Variants in KIT observed in about 807,000 individuals in gnomAD.
KIT encodes mast/stem cell growth factor receptor Kit.
A neutral mutation model predicts 105.7 loss-of-function variants in KIT; 16 were observed. That is an observed-to-expected ratio of 0.15 (90% confidence interval 0.10 to 0.23). KIT has a LOEUF of 0.23. Among genes scored for constraint, KIT ranks in the 10% least tolerant of loss-of-function variants. KIT has a pLI of 1.00. For missense variants in KIT, 858 were observed against 1,213.8 expected, an observed-to-expected ratio of 0.71 and a Z score of 4.36; for synonymous variants, 438 against 441.1, an observed-to-expected ratio of 0.99 and a Z score of 0.09.
At chr4:54,733,997 TC>T (rs929193507) in intron 17 of KIT, among the ~76,000 whole-genome samples, 1 of 152,118 alleles carries the variant, frequency 6.6e-6, no homozygotes, top group Non-Finnish European at 1.5e-5. Context: ...TGTAATGTTT[TC>T]CCCCCATCAC....
At chr4:54,698,193 C>T in intron 2 of KIT, 91 bp from the exon 3 acceptor site, 1 of 1,341,898 alleles carries the variant, frequency 7.5e-7, no homozygotes, top group African/African-American at 1.4e-5. Context: ...GGCCACTAGT[C>T]ATGAAAGGCA....
In KIT at chr4:54,738,712, T is replaced by G; in HGVS notation, c.*155T>G. 1 of 931,712 alleles carries G rather than the reference T, an allele frequency of 1.1e-6. No homozygotes were observed. The highest frequency in any genetic ancestry group is 1.3e-5 in the South Asian group (1 of 74,912). 57.7% of individuals were successfully genotyped at this position (931,712 alleles called of 1,614,324 possible). ...CTGAGCACACTTTAGTGGCCGATGA[T>G]TTTTGTCATCAGCCACCATCCTATT... On this transcript the variant is annotated 3_prime_UTR_variant, in exon 21 of 21. Transcript: ENST00000288135.
intron 8 of KIT, 45 bp downstream of exon 8, chr4:54,723,743 G>C (rs1212977415): frequency 5.1e-5 from 53 of 1,041,734 alleles, no homozygotes; most frequent in Non-Finnish European, 7.1e-5. Flanking sequence ...AGAGGGGAAG[G>C]ACTGCAATTC....
rs765239839 is a variant in KIT at position 54,727,917 on chromosome 4, G to A, written c.1869G>A (p.Lys623=). The stretch of plus-strand genomic sequence containing the variant: ...ATGCGGCCATGACTGTCGCTGTAAA[G>A]ATGCTCAAGCGTAAGTTCCTGTATG... ...KSDAAMTVAV[K]MLKPSAHLTE... is the part of the protein sequence containing the mutation. Residue 623 remains lysine, a synonymous_variant, in exon 12 of 21, where the codon AAG becomes AAA. Coordinates refer to ENST00000288135, the MANE Select transcript of KIT (RefSeq NM_000222.3). 1.9e-6 allele frequency: 3 copies of A among 1,613,938 alleles called. No individual in the cohort carries two copies. The Admixed American group carries it at 5.0e-5, about 27-fold the overall frequency.
At chr4:54,684,943 C>T (rs975477139) in intron 1 of KIT, among the ~76,000 whole-genome samples, 1 of 152,206 alleles carries the variant, frequency 6.6e-6, no homozygotes. Context: ...GTTCCCCATC[C>T]TTCTCTGCTC....
chr4:54,717,196 A>C (rs1281197149), intron 7 of KIT, among the ~76,000 whole-genome samples: 2 of 152,224 alleles, frequency 1.3e-5, no homozygotes, highest in Non-Finnish European at 2.9e-5. Context: ...TGGAAAAAAA[A>C]AGATATAATG....
At chr4:54,709,128 G>T (rs1440805580) in intron 6 of KIT, among the ~76,000 whole-genome samples, 1 of 152,044 alleles carries the variant, frequency 6.6e-6, no homozygotes, top group Non-Finnish European at 1.5e-5. Flanking sequence ...AGGGTGGTGG[G>T]GGGAGGGCGG....
In KIT at chr4:54,695,619, A is replaced by G. The variant is rs747004948; in HGVS notation, c.175A>G (p.Thr59Ala). 1.2e-6 allele frequency: 2 copies of G among 1,614,246 alleles called. No individual in the cohort carries two copies. Among genetic ancestry groups the G allele is most frequent in the South Asian group, 2.2e-5 (2 of 91,090 alleles). Reference sequence around the variant, plus strand: ...GGGCGACGAGATTAGGCTGTTATGCACTGATCCGGGCTTTGTCAAATGGAC... The same window carrying G: ...GGGCGACGAGATTAGGCTGTTATGCGCTGATCCGGGCTTTGTCAAATGGAC... ...RVGDEIRLLC[T>A]DPGFVKWTFE... The change falls in exon 2 of 21, where the codon ACT (threonine) becomes GCT (alanine). Residue 59 changes from threonine to alanine, a missense_variant. Physicochemically the swap from Thr to Ala is moderately conservative, Grantham distance 58. This residue lies in a region of KIT where 401 missense variants were observed against 601.0 expected (regional missense o/e 0.67). Transcript: ENST00000288135.
At chr4:54,659,032 C>T (rs1473864087) in intron 1 of KIT, among the ~76,000 whole-genome samples, 1 of 152,098 alleles carries the variant, frequency 6.6e-6, no homozygotes, top group Non-Finnish European at 1.5e-5. Flanking sequence ...CTGGCGGGTT[C>T]TGAAAGCCCC....
intron 7 of KIT, among the ~76,000 whole-genome samples, chr4:54,722,067 C>T (rs1721910400): frequency 6.6e-6 from 1 of 152,110 alleles, no homozygotes; most frequent in African/African-American, 2.4e-5. Context: ...CTCACTGCAA[C>T]CTCTGCCTCC....
In KIT at chr4:54,738,904, A is replaced by G. The variant is rs1051369531; in HGVS notation, c.*347A>G. 3 of 593,474 alleles carry G rather than the reference A, an allele frequency of 5.1e-6. No individual in the cohort carries two copies. The highest frequency in any genetic ancestry group is 6.0e-6 in the Non-Finnish European group (2 of 334,584). 36.8% of individuals were successfully genotyped at this position (593,474 alleles called of 1,614,324 possible). ...TATGGTTGATAGTTTACCTGAATAA[A>G]TGGTAGTAATCACAGTTGGCCTTCA... is the stretch of plus-strand genomic sequence containing the variant. On this transcript the variant is annotated 3_prime_UTR_variant, in exon 21 of 21. Coordinates refer to ENST00000288135, the MANE Select transcript of KIT (RefSeq NM_000222.3).
chr4:54,729,483 C>T lies in KIT; in HGVS notation c.2139C>T (p.Ser713=), dbSNP rs2109787193. The T allele has an allele frequency of 1.2e-6, 2 of 1,612,926 alleles. No individual in the cohort carries two copies. Among genetic ancestry groups the T allele is most frequent in the Non-Finnish European group, 1.7e-6 (2 of 1,179,524 alleles). ...ATCTTCTGCATTCAAAGGAGTCTTC[C>T]TGGTAAGACTGATTTACATAAATAG... ...YKNLLHSKES[S]CSDSTNEYMD... The change falls in exon 14 of 21, where the codon TCC becomes TCT. Residue 713 remains serine (S), a splice_region_variant and synonymous_variant. Coordinates refer to ENST00000288135, the MANE Select transcript of KIT (RefSeq NM_000222.3).
chr4:54,719,579 T>TTA (rs397728097), intron 7 of KIT, among the ~76,000 whole-genome samples: 2 of 151,960 alleles, frequency 1.3e-5, no homozygotes, highest in East Asian at 3.9e-4. Flanking sequence ...TATTTTTTTT[T>TTA]ATCTCCACAG....
chr4:54,709,487 A>T lies in KIT; in HGVS notation c.1179A>T (p.Leu393=), dbSNP rs1721001972. The T allele has an allele frequency of 5.0e-6, 8 of 1,613,808 alleles. No homozygotes were observed. Among genetic ancestry groups the T allele is most frequent in the Non-Finnish European group, 6.8e-6 (8 of 1,179,688 alleles). The change falls in exon 7 of 21, where the codon CTA becomes CTT. Residue 393 remains leucine, a synonymous_variant. Coordinates refer to ENST00000288135, the MANE Select transcript of KIT (RefSeq NM_000222.3). ...KGTEGGTYTF[L]VSNSDVNAAI... is the part of the protein sequence containing the mutation. The stretch of plus-strand genomic sequence containing the variant: ...CCGAAGGAGGCACTTACACATTCCT[A>T]GTGTCCAATTCTGACGTCAATGCTG...
At chr4:54,679,817 C>A (rs561941402) in intron 1 of KIT, among the ~76,000 whole-genome samples, 15 of 152,266 alleles carry the variant, frequency 9.9e-5, no homozygotes, top group African/African-American at 3.1e-4. Context: ...ACACAGTGGA[C>A]TATTATTCAG....
At chr4:54,737,992 G>A (rs1483536173) in intron 20 of KIT, among the ~76,000 whole-genome samples, 1 of 152,130 alleles carries the variant, frequency 6.6e-6, no homozygotes, top group Admixed American at 6.5e-5. Context: ...TCTTCTGGGT[G>A]TCAAAACATG....
At chr4:54,717,574 C>T (rs1266076414) in intron 7 of KIT, among the ~76,000 whole-genome samples, 2 of 152,152 alleles carry the variant, frequency 1.3e-5, no homozygotes, top group African/African-American at 4.8e-5. Flanking sequence ...TCGCTAAAAG[C>T]AGTGAGTGGT....
rs1718767471 is a variant in KIT at position 54,679,753 on chromosome 4, G to A, written c.68-15759G>A. Among the ~76,000 whole-genome samples the A allele has an allele frequency of 2.6e-5, 4 of 152,110 alleles. No individual in the cohort carries two copies. In the South Asian group the frequency reaches 6.2e-4, roughly 24 times the overall value. On this transcript the variant is annotated intron_variant, in intron 1 of 20. Transcript: ENST00000288135. Reference sequence around the variant, plus strand: ...AGACAGGTTTTAAAAATGCCTTAGGGAAATAATATTAATAAAATGTCAAGA... The same window carrying A: ...AGACAGGTTTTAAAAATGCCTTAGGAAAATAATATTAATAAAATGTCAAGA...
At position 54,695,520 on chromosome 4, in the gene KIT, C is replaced by T. The variant is rs759129060; in HGVS notation, c.76C>T (p.Gln26Ter). 1 of 1,614,038 alleles carries T rather than the reference C, an allele frequency of 6.2e-7. No homozygotes were observed. The highest frequency in any genetic ancestry group is 1.3e-5 in the African/African-American group (1 of 74,924). ...TCTGTTTTTCTTGGCAGGCTCTTCTCAACCATCTGTGAGTCCAGGGGAACC... is the reference window on the plus strand; with the variant it reads ...TCTGTTTTTCTTGGCAGGCTCTTCTTAACCATCTGTGAGTCCAGGGGAACC... ...LLLRVQTGSS[Q>*]PSVSPGEPSP... is the part of the protein sequence containing the mutation. Residue 26 changes from glutamine to a stop codon, truncating the protein, a stop_gained, in exon 2 of 21, where the codon CAA (glutamine) becomes TAA (stop). Transcript: ENST00000288135. LOFTEE classifies it high-confidence loss of function.
Sources: allele counts gnomAD v4.1 joint callset (sites outside exome capture counted in the v4.1 genomes callset), GRCh38; gene constraint gnomAD v4.1.1; regional missense constraint gnomAD v4.1.1; transcripts MANE v1.5; gene names NCBI Gene and HGNC (gene_info 2026-07-23, HGNC 2026-07-21).